PCDHA6: variants seen among roughly 807,000 people sequenced by gnomAD.
The protein encoded by PCDHA6 is protocadherin alpha 6, also known as protocadherin alpha-6.
Under a neutral mutation model 60.3 loss-of-function variants are expected in PCDHA6, and 55 were observed. That is an observed-to-expected ratio of 0.91 (90% CI 0.73 to 1.14). The LOEUF is 1.14. Among genes scored for constraint, PCDHA6 ranks in the 50% most tolerant of loss-of-function variants. The pLI is 0.00. For synonymous variants in PCDHA6, 652 were observed against 557.9 expected (o/e 1.17, Z -2.38); for missense variants, 1,327 against 1,256.5 (o/e 1.06, Z -0.85).
chr5:141,005,489 G>A (rs1336877426), intron 3 of PCDHA6, among the ~76,000 whole-genome samples: 3 of 151,788 alleles, frequency 2.0e-5, no homozygotes, highest in Non-Finnish European at 4.4e-5. Context: ...GGATCATGAG[G>A]TCAGGAGATC....
intron 1 of PCDHA6, chr5:140,843,068 C>T (rs1345239073): frequency 1.3e-6 from 2 of 1,595,216 alleles, no homozygotes; most frequent in East Asian, 2.2e-5. Context: ...GCTGGTGCCG[C>T]GGTCTGTGGG....
At chr5:140,969,733 T>C (rs1299165103) in intron 1 of PCDHA6, among the ~76,000 whole-genome samples, 1 of 152,242 alleles carries the variant, frequency 6.6e-6, no homozygotes, top group Non-Finnish European at 1.5e-5. Context: ...TTTGAAATCC[T>C]ATATGAGTGA....
chr5:140,857,434 C>T (rs987628518), intron 1 of PCDHA6: 2 of 1,598,440 alleles, frequency 1.3e-6, no homozygotes, highest in Non-Finnish European at 1.7e-6. Context: ...ACACGGTGTT[C>T]GTGAAGGAGA....
rs782337552 is a variant in PCDHA6, at chr5:140,856,686, C to G, written c.2394+26201C>G. On this transcript the variant is annotated intron_variant, in intron 1 of 3. Transcript: ENST00000529310. ...CCTCAGCTAAAGTTGTTGTTGACAG[C>G]AACTGATGGAGGCAAACCTGAATTT... is the stretch of plus-strand genomic sequence containing the variant. The G allele has an allele frequency of 1.9e-6, 3 of 1,597,202 alleles. No individual in the cohort carries two copies. The East Asian group carries it at 6.7e-5, about 36-fold the overall frequency.
intron 1 of PCDHA6, among the ~76,000 whole-genome samples, chr5:140,839,447 T>C (rs2150297946): frequency 3.3e-5 from 5 of 151,970 alleles, no homozygotes; most frequent in Non-Finnish European, 5.9e-5. Flanking sequence ...TGCAGTGCAG[T>C]GGCACAATCT....
Position 140,830,164 on chromosome 5 carries a change from G to A in PCDHA6, c.2073G>A (p.Ala691=). 1 of 1,613,544 alleles carries A rather than the reference G, an allele frequency of 6.2e-7. No individual in the cohort carries two copies. The highest frequency in any genetic ancestry group is 8.5e-7 in the Non-Finnish European group (1 of 1,179,898). ...CGGTGGGCGCCGCGGGCCCAGAGGC[G>A]GCGCTGGTGGATGTCAACGTGTACC... ...RASVGAAGPE[A]ALVDVNVYLI... The change falls in exon 1 of 4, where the codon GCG becomes GCA. Residue 691 remains alanine (A), a synonymous_variant. Coordinates refer to ENST00000529310, the MANE Select transcript of PCDHA6 (RefSeq NM_018909.4).
At chr5:140,975,174 T>C (rs1470598627) in intron 1 of PCDHA6, among the ~76,000 whole-genome samples, 1 of 152,208 alleles carries the variant, frequency 6.6e-6, no homozygotes, top group Non-Finnish European at 1.5e-5. Context: ...GACTCAGGAC[T>C]CTTGTCCCAT....
intron 1 of PCDHA6, chr5:140,849,776 G>T: frequency 6.3e-7 from 1 of 1,598,464 alleles, no homozygotes; most frequent in Non-Finnish European, 8.6e-7. Flanking sequence ...TGGTTACCGC[G>T]CGGGACGGGG....
intron 1 of PCDHA6, among the ~76,000 whole-genome samples, chr5:140,947,108 T>G (rs1419361342): frequency 6.6e-6 from 1 of 151,486 alleles, no homozygotes; most frequent in East Asian, 1.9e-4. Context: ...AATAGGTACG[T>G]GTCAATTAAA....
rs2082774108 is a variant in PCDHA6 at position 140,868,572 on chromosome 5, C to T, written c.2394+38087C>T. 4 of 152,854 alleles carry T rather than the reference C, an allele frequency of 2.6e-5. No individual in the cohort carries two copies. In the South Asian group the frequency reaches 6.2e-4, roughly 24 times the overall value. 9.5% of individuals were successfully genotyped at this position (152,854 alleles called of 1,614,324 possible). ...TAGTATTTTTATATGAGGAACAACA[C>T]TTTCAGGAAATGTTTAACCCTAGTT... On this transcript the variant is annotated intron_variant, in intron 1 of 3. Coordinates refer to ENST00000529310, the MANE Select transcript of PCDHA6 (RefSeq NM_018909.4).
chr5:140,830,280 G>C lies in PCDHA6; in HGVS notation c.2189G>C (p.Gly730Ala), dbSNP rs2150184170. ...CGGTGCTCGGCGCCACCCACCGAGG[G>C]CGCGTGCACGGCGGACAAGCCCACG... is the stretch of plus-strand genomic sequence containing the variant. ...ALRCSAPPTE[G>A]ACTADKPTLV... Residue 730 changes from glycine (G) to alanine (A), a missense_variant, in exon 1 of 4, where the codon GGC becomes GCC. Gly to Ala is a moderately conservative substitution (Grantham distance 60, BLOSUM62 0). Transcript: ENST00000529310. The C allele has an allele frequency of 3.1e-6, 5 of 1,613,766 alleles. No individual in the cohort carries two copies. Among genetic ancestry groups the C allele is most frequent in the Admixed American group, 1.7e-5 (1 of 59,988 alleles).
At chr5:140,900,546 G>A (rs1430203463) in intron 1 of PCDHA6, among the ~76,000 whole-genome samples, 3 of 152,162 alleles carry the variant, frequency 2.0e-5, no homozygotes, top group East Asian at 1.9e-4. Context: ...CAAAGTGCTG[G>A]GATTACAGGC....
intron 1 of PCDHA6, chr5:140,875,473 A>T: frequency 1.2e-6 from 2 of 1,606,460 alleles, no homozygotes; most frequent in Non-Finnish European, 1.7e-6. Flanking sequence ...ATTTTCTGCA[A>T]TGGTGATTAT....
intron 1 of PCDHA6, chr5:140,862,681 G>T: frequency 1.8e-6 from 1 of 551,660 alleles, no homozygotes. Context: ...GAACGTGCTG[G>T]TGTCCTACTC....
At chr5:140,918,186 C>T (rs1177570782) in intron 1 of PCDHA6, among the ~76,000 whole-genome samples, 1 of 151,888 alleles carries the variant, frequency 6.6e-6, no homozygotes, top group Non-Finnish European at 1.5e-5. Flanking sequence ...TTGATTTGGC[C>T]CTCAGCTTGG....
intron 1 of PCDHA6, among the ~76,000 whole-genome samples, chr5:140,896,590 T>G (rs1338982892): frequency 6.6e-6 from 1 of 152,032 alleles, no homozygotes; most frequent in Non-Finnish European, 1.5e-5. Flanking sequence ...TTGGCCAGGC[T>G]GGTCTCGAAC....
intron 1 of PCDHA6, chr5:140,884,747 T>A: frequency 7.0e-7 from 1 of 1,433,190 alleles, no homozygotes; most frequent in African/African-American, 1.4e-5. Context: ...TCCTGCCAAT[T>A]TCAAATTATT....
At chr5:140,992,038 TG>T (rs2097488764) in intron 3 of PCDHA6, among the ~76,000 whole-genome samples, 1 of 151,828 alleles carries the variant, frequency 6.6e-6, no homozygotes, top group African/African-American at 2.4e-5. Context: ...TGTGTGTGTG[TG>T]TGTGTGTGTG....
At position 140,858,590 on chromosome 5, in the gene PCDHA6, C is replaced by T. The variant is rs781927983; in HGVS notation, c.2394+28105C>T. 16 of 1,324,580 alleles carry T rather than the reference C, an allele frequency of 1.2e-5. No homozygotes were observed. In the South Asian group the frequency reaches 2.3e-4, roughly 19 times the overall value. The allele number at this position is 1,324,580 out of a possible 1,614,324, so 82.1% of individuals were successfully genotyped here. A position where few individuals can be genotyped will look rare whatever the true frequency, so the allele number is the denominator to read the frequency against. ...TGATACCTTTGTAATATAATTTATTCCAGGAGTTTTAAAATTTTTTTATCC... is the reference window on the plus strand; with the variant it reads ...TGATACCTTTGTAATATAATTTATTTCAGGAGTTTTAAAATTTTTTTATCC... On this transcript the variant is annotated intron_variant, in intron 1 of 3. Transcript: ENST00000529310.
Sources: allele counts gnomAD v4.1 joint callset (sites outside exome capture counted in the v4.1 genomes callset), GRCh38; gene constraint gnomAD v4.1.1; transcripts MANE v1.5; gene names NCBI Gene and HGNC (gene_info 2026-07-23, HGNC 2026-07-21).